TASP1: variants seen among roughly 807,000 people sequenced by gnomAD.
TASP1 encodes the protein threonine aspartase 1.
Under a neutral mutation model 56.6 loss-of-function variants are expected in TASP1, and 16 were observed. That is an observed-to-expected ratio of 0.28 (90% CI 0.19 to 0.43). The LOEUF (loss-of-function observed/expected upper bound fraction) is 0.43. TASP1 is among the 20% of genes least tolerant of loss of function. The probability of loss-of-function intolerance (pLI) is 1.00; values close to 1 mark genes in which losing one functional copy is unlikely to be tolerated. For synonymous variants in TASP1, 179 were observed against 184.2 expected (o/e 0.97, Z 0.23); for missense variants, 393 against 511.6 (o/e 0.77, Z 2.24).
chr20:13,326,192 G>C, the TASP1 span, among the ~76,000 whole-genome samples: 1 of 152,152 alleles, frequency 6.6e-6, no homozygotes, highest in Non-Finnish European at 1.5e-5. Flanking sequence ...GGATGCACCA[G>C]AGCTTGTTTA....
chr20:13,262,761 C>T, the TASP1 span, among the ~76,000 whole-genome samples: 1 of 152,096 alleles, frequency 6.6e-6, no homozygotes, highest in African/African-American at 2.4e-5. Flanking sequence ...GCCCCAAGAA[C>T]CTTCAATGAG....
intron 4 of TASP1, among the ~76,000 whole-genome samples, chr20:13,588,317 AAAGGAAGG>A (rs147823593): frequency 1.3e-3 from 146 of 113,808 alleles, no homozygotes; most frequent in African/African-American, 1.9e-3. Flanking sequence ...AAGAGAAAGA[AAAGGAAGG>A]AAGGAAGGAA....
the TASP1 span, among the ~76,000 whole-genome samples, chr20:13,157,287 A>AT: frequency 1.3e-5 from 2 of 150,968 alleles, no homozygotes. Flanking sequence ...AAAAAAAAAA[A>AT]TTAGCTGGGC....
intron 7 of TASP1, among the ~76,000 whole-genome samples, chr20:13,562,465 G>A (rs1334049657): frequency 1.3e-5 from 2 of 151,810 alleles, no homozygotes; most frequent in African/African-American, 4.8e-5. Flanking sequence ...CCAAAAGTTA[G>A]TTCATGGAAA....
the TASP1 span, among the ~76,000 whole-genome samples, chr20:13,377,280 G>A: frequency 5.9e-5 from 9 of 152,164 alleles, no homozygotes; most frequent in Admixed American, 1.3e-4. Context: ...TTTTTAGCAC[G>A]AAGGGCTGTT....
intron 10 of TASP1, among the ~76,000 whole-genome samples, chr20:13,511,286 A>G (rs2044317387): frequency 6.6e-6 from 1 of 152,090 alleles, no homozygotes; most frequent in Non-Finnish European, 1.5e-5. Flanking sequence ...CCCAAGAAAG[A>G]AGCCAACAAT....
At chr20:13,275,035 C>T in the TASP1 span, among the ~76,000 whole-genome samples, 1 of 152,178 alleles carries the variant, frequency 6.6e-6, no homozygotes, top group Non-Finnish European at 1.5e-5. Flanking sequence ...AGCTGATAGT[C>T]AGATATCAGA....
intron 11 of TASP1, among the ~76,000 whole-genome samples, chr20:13,440,110 T>C (rs2043163742): frequency 1.3e-5 from 2 of 152,160 alleles, no homozygotes; most frequent in African/African-American, 4.8e-5. Flanking sequence ...CAGCAACACC[T>C]GAAGCTAAAA....
chr20:13,234,407 A>T, the TASP1 span, among the ~76,000 whole-genome samples: 2 of 152,206 alleles, frequency 1.3e-5, no homozygotes, highest in African/African-American at 2.4e-5. Context: ...GTGCTGTGAT[A>T]TAAACAGATG....
chr20:13,180,422 C>T, the TASP1 span, among the ~76,000 whole-genome samples: 2 of 152,246 alleles, frequency 1.3e-5, no homozygotes, highest in East Asian at 1.9e-4. Flanking sequence ...TGTCCACCAG[C>T]GCTTGCAAAA....
At chr20:13,242,797 G>T in the TASP1 span, among the ~76,000 whole-genome samples, 1 of 152,122 alleles carries the variant, frequency 6.6e-6, no homozygotes, top group Admixed American at 6.5e-5. Flanking sequence ...TAAGACATCG[G>T]GTTCCTTACT....
chr20:13,321,722 A>G, the TASP1 span, among the ~76,000 whole-genome samples: 36,561 of 152,140 alleles, frequency 0.24, 4,870 homozygotes, highest in African/African-American at 0.32. Context: ...CCATATAAAT[A>G]CATAACTATT....
chr20:13,578,553 T>C (rs1190273935), intron 6 of TASP1, among the ~76,000 whole-genome samples: 5 of 152,192 alleles, frequency 3.3e-5, no homozygotes, highest in Non-Finnish European at 7.4e-5. Flanking sequence ...TGCTGCCTCA[T>C]AGTCATAAGA....
chr20:13,626,687 G>A (rs547843355), intron 2 of TASP1, among the ~76,000 whole-genome samples: 1 of 152,192 alleles, frequency 6.6e-6, no homozygotes, highest in African/African-American at 2.4e-5. Flanking sequence ...CATTCACAGA[G>A]CCTGTGCCAA....
Position 13,528,474 on chromosome 20 carries a change from G to A in TASP1, c.833C>T (p.Thr278Ile), listed in dbSNP as rs201460744. The A allele has an allele frequency of 1.2e-6, 2 of 1,610,730 alleles. No homozygotes were observed. ...LYGCGCWAENTGAHNPYSTAV... is the reference protein window; with the variant it reads ...LYGCGCWAENIGAHNPYSTAV... ...TGTGGAGTAGGGGTTATGAGCTCCA[G>A]TATTTTCAGCCCAGCAGCCACATCC... Residue 278 changes from threonine to isoleucine, a missense_variant, in exon 10 of 14, where the codon ACT becomes ATT. Around this residue, in one of 3 missense-constraint regions of TASP1, gnomAD observed 293 missense variants for 354.2 expected, o/e 0.83. Coordinates refer to ENST00000337743, the MANE Select transcript of TASP1 (RefSeq NM_017714.3).
the TASP1 span, among the ~76,000 whole-genome samples, chr20:13,252,046 G>A: frequency 7.9e-5 from 12 of 152,206 alleles, no homozygotes; most frequent in Admixed American, 2.0e-4. Flanking sequence ...GAGCTTTCCA[G>A]TTGGGGGCTG....
At chr20:13,335,277 C>A in the TASP1 span, among the ~76,000 whole-genome samples, 2 of 151,918 alleles carry the variant, frequency 1.3e-5, no homozygotes, top group African/African-American at 4.8e-5. Flanking sequence ...TATGGACACC[C>A]CCCATTCCCT....
At chr20:13,424,244 C>T (rs972425014) in intron 12 of TASP1, among the ~76,000 whole-genome samples, 3 of 151,960 alleles carry the variant, frequency 2.0e-5, no homozygotes, top group African/African-American at 7.3e-5. Context: ...TAGTTAAGTC[C>T]TAATGTATAA....
At chr20:13,447,749 C>A (rs1345949321) in intron 11 of TASP1, among the ~76,000 whole-genome samples, 1 of 152,100 alleles carries the variant, frequency 6.6e-6, no homozygotes, top group Non-Finnish European at 1.5e-5. Flanking sequence ...TTTGTTAAGC[C>A]CTTCTGTCTG....
Sources: gnomAD v4.1 joint callset for allele counts (sites outside exome capture counted in the v4.1 genomes callset) on GRCh38, gnomAD v4.1.1 for gene constraint, gnomAD v4.1.1 regional missense constraint, MANE v1.5 for transcripts, NCBI Gene and HGNC (gene_info 2026-07-23, HGNC 2026-07-21) for gene names.